Variants in METTL8 observed in about 807,000 individuals in gnomAD.
METTL8 encodes tRNA N(3)-cytidine methyltransferase METTL8, mitochondrial.
Under a neutral mutation model 48.7 loss-of-function variants are expected in METTL8, and 32 were observed. The observed-to-expected ratio is 0.66, with a 90% CI of 0.50 to 0.88. The LOEUF is 0.88. Among genes scored for constraint, METTL8 ranks in the 40% least tolerant of loss-of-function variants. The probability of loss-of-function intolerance (pLI) is 0.00; values close to 1 mark genes in which losing one functional copy is unlikely to be tolerated. For synonymous variants in METTL8, 136 were observed against 157.1 expected (o/e 0.87, Z 1.01); for missense variants, 464 against 474.4 (o/e 0.98, Z 0.20).
At chr2:171,374,192 AT>A (rs1051901233) in intron 2 of METTL8, among the ~76,000 whole-genome samples, 2 of 151,938 alleles carry the variant, frequency 1.3e-5, no homozygotes, top group African/African-American at 4.8e-5. Flanking sequence ...ATTCCTAGGT[AT>A]TTTATTCTCT....
chr2:171,428,995 C>T (rs1276264633), intron 1 of METTL8, among the ~76,000 whole-genome samples: 1 of 151,866 alleles, frequency 6.6e-6, no homozygotes, highest in Non-Finnish European at 1.5e-5. Flanking sequence ...GTATTCTACC[C>T]AAAGAGATTC....
At chr2:171,340,608 T>C (rs1686647212) in intron 3 of METTL8, among the ~76,000 whole-genome samples, 1 of 152,182 alleles carries the variant, frequency 6.6e-6, no homozygotes, top group Non-Finnish European at 1.5e-5. Context: ...ATTTTTAATG[T>C]ATTTACAAAT....
At chr2:171,422,601 C>T (rs1691988685) in intron 1 of METTL8, among the ~76,000 whole-genome samples, 1 of 152,028 alleles carries the variant, frequency 6.6e-6, no homozygotes, top group South Asian at 2.1e-4. Context: ...CATGCAGAAA[C>T]ATTCTAAACT....
chr2:171,354,187 G>A (rs923391536), intron 3 of METTL8, among the ~76,000 whole-genome samples: 12 of 152,168 alleles, frequency 7.9e-5, no homozygotes, highest in Non-Finnish European at 1.6e-4. Flanking sequence ...TTGCTTGTCT[G>A]TAAAGGATTT....
intron 1 of METTL8, among the ~76,000 whole-genome samples, chr2:171,404,269 T>C (rs1297485388): frequency 2.6e-5 from 4 of 151,814 alleles, no homozygotes; most frequent in African/African-American, 4.8e-5. Context: ...ATAAAATGCC[T>C]ACGTGATAAG....
chr2:171,340,120 C>T (rs1395274075), intron 3 of METTL8, among the ~76,000 whole-genome samples: 1 of 150,230 alleles, frequency 6.7e-6, no homozygotes, highest in Non-Finnish European at 1.5e-5. Flanking sequence ...ATTGCTTGAA[C>T]CTGGGAGGTG....
At chr2:171,331,666 C>G in intron 6 of METTL8, 138 bp downstream of exon 6, 2 of 636,906 alleles carry the variant, frequency 3.1e-6, no homozygotes, top group South Asian at 3.3e-5. Flanking sequence ...ATCCACCCAC[C>G]TTGGCCTCCC....
chr2:171,325,985 TA>T, intron 8 of METTL8, 56 bp downstream of exon 8: 1 of 1,356,822 alleles, frequency 7.4e-7, no homozygotes, highest in Non-Finnish European at 1.0e-6. Flanking sequence ...ATGTGAAATA[TA>T]AACAAGGCAT....
intron 2 of METTL8, among the ~76,000 whole-genome samples, chr2:171,384,666 CA>C (rs1299004453): frequency 3.3e-5 from 5 of 150,860 alleles, no homozygotes; most frequent in Middle Eastern, 3.4e-3. Flanking sequence ...CCCACCTCTA[CA>C]AAAAAAATAA....
Position 171,403,334 on chromosome 2 carries a change from C to T in METTL8, c.-12-11137G>A, listed in dbSNP as rs141502156. 1.4e-3 allele frequency among the ~76,000 whole-genome samples: 214 copies of T among 152,192 alleles called. 4 individuals carry two copies. In the East Asian group the frequency reaches 0.015, roughly 11 times the overall value. On this transcript the variant is annotated intron_variant, in intron 1 of 9. Coordinates refer to ENST00000375258, the MANE Select transcript of METTL8 (RefSeq NM_001321154.2). ...TTACCTCTATGTTCTTCTTCCCCAA[C>T]CCCCATAACTTCAGTCTAATCATAA... is the stretch of plus-strand genomic sequence containing the variant.
In METTL8 at chr2:171,417,188, G is replaced by A. The variant is rs77800958; in HGVS notation, c.-13+16695C>T. On this transcript the variant is annotated intron_variant, in intron 1 of 9. Coordinates refer to ENST00000375258, the MANE Select transcript of METTL8 (RefSeq NM_001321154.2). ...AGGCTTTGTAGCTTTCACTAAGTCA[G>A]TGCTATATATGAAGCATGAAACTGG... Among the ~76,000 whole-genome samples the A allele has an allele frequency of 3.7e-3, 556 of 152,282 alleles. 2 individuals carry two copies. Among genetic ancestry groups the A allele is most frequent in the African/African-American group, 0.012 (513 of 41,544 alleles).
chr2:171,389,542 AATGCTGCTCCAGTGAATACATGAATG>A (rs1688395696), intron 2 of METTL8, among the ~76,000 whole-genome samples: 1 of 144,576 alleles, frequency 6.9e-6, no homozygotes. Context: ...AAAAAAAAAA[AATGCTGCTCCAGTGAATACATGAATG>A]AAAAGAAAGT....
chr2:171,362,599 A>AAATAAATAAATC (rs1553516258), intron 2 of METTL8, among the ~76,000 whole-genome samples: 1 of 151,420 alleles, frequency 6.6e-6, no homozygotes, highest in African/African-American at 2.4e-5. Context: ...ATAAATAAAT[A>AAATAAATAAATC]AATCAAAATT....
intron 1 of METTL8, among the ~76,000 whole-genome samples, chr2:171,393,676 C>CA (rs1258532597): frequency 6.6e-6 from 1 of 152,150 alleles, no homozygotes; most frequent in Non-Finnish European, 1.5e-5. Flanking sequence ...CTAATGCTGT[C>CA]AGCTGTCAGG....
intron 1 of METTL8, among the ~76,000 whole-genome samples, chr2:171,407,624 T>C (rs1324475665): frequency 6.6e-6 from 1 of 152,228 alleles, no homozygotes; most frequent in African/African-American, 2.4e-5. Flanking sequence ...GTCATTATAA[T>C]AGATCTCCAT....
chr2:171,362,293 G>C (rs570162007), intron 2 of METTL8, among the ~76,000 whole-genome samples: 3 of 152,172 alleles, frequency 2.0e-5, no homozygotes, highest in African/African-American at 7.2e-5. Flanking sequence ...GGGGGAGAGG[G>C]AGACACTGAA....
At chr2:171,374,850 A>G in intron 2 of METTL8, 1 of 734,744 alleles carries the variant, frequency 1.4e-6, no homozygotes, top group Non-Finnish European at 2.4e-6. Flanking sequence ...TGTATGTTTA[A>G]CTTTTTTTTT....
intron 2 of METTL8, among the ~76,000 whole-genome samples, chr2:171,363,812 A>ATATATATATATATATATATATG (rs1353749107): frequency 1.4e-5 from 2 of 138,324 alleles, no homozygotes; most frequent in South Asian, 2.2e-4. Context: ...ATATATATAT[A>ATATATATATATATATATATATG]TATCTTTTTT....
intron 2 of METTL8, among the ~76,000 whole-genome samples, chr2:171,390,105 C>T (rs1489102124): frequency 1.3e-5 from 2 of 152,146 alleles, no homozygotes; most frequent in African/African-American, 4.8e-5. Context: ...AAAAATTATA[C>T]TGAATCTACT....
Sources: allele counts gnomAD v4.1 joint callset (sites outside exome capture counted in the v4.1 genomes callset), GRCh38; gene constraint gnomAD v4.1.1; transcripts MANE v1.5; gene names NCBI Gene and HGNC (gene_info 2026-07-23, HGNC 2026-07-21).